Variants in XRN2 observed in about 807,000 individuals in gnomAD.
XRN2 encodes DHM1-like protein.
In XRN2, 44 loss-of-function variants were observed where a neutral mutation model predicts 138.5. The ratio of observed to expected loss-of-function variants is 0.32; its 90% CI spans 0.25 to 0.41. The LOEUF is 0.41. Ranked by LOEUF, XRN2 falls within the 10% of genes least tolerant of loss-of-function variation. The probability of loss-of-function intolerance (pLI) is 1.00; values close to 1 mark genes in which losing one functional copy is unlikely to be tolerated. For synonymous variants in XRN2, 354 were observed against 369.4 expected (o/e 0.96, Z 0.48); for missense variants, 937 against 1,169.3 (o/e 0.80, Z 2.90).
chr20:21,372,097 T>G (rs771203380), intron 27 of XRN2, among the ~76,000 whole-genome samples: 4 of 152,154 alleles, frequency 2.6e-5, no homozygotes, highest in Non-Finnish European at 5.9e-5. Flanking sequence ...ATGAAAAAAT[T>G]GGGAGATATG....
intron 13 of XRN2, among the ~76,000 whole-genome samples, chr20:21,338,531 C>CT (rs144072662): frequency 1.8e-3 from 271 of 152,242 alleles, no homozygotes; most frequent in Non-Finnish European, 2.9e-3. Flanking sequence ...TAGAGTCCCA[C>CT]TTCTCTCTTT....
At chr20:21,342,139 G>A (rs2038379848) in intron 15 of XRN2, among the ~76,000 whole-genome samples, 1 of 152,056 alleles carries the variant, frequency 6.6e-6, no homozygotes, top group Non-Finnish European at 1.5e-5. Context: ...CTAAATTTAA[G>A]GAAATTTTGA....
At chr20:21,330,354 T>A in intron 4 of XRN2, 127 bp from the exon 5 acceptor site, 1 of 785,762 alleles carries the variant, frequency 1.3e-6, no homozygotes, top group South Asian at 2.1e-5. Context: ...AGGGAACATT[T>A]TTCCTCGGAT....
intron 27 of XRN2, among the ~76,000 whole-genome samples, chr20:21,370,549 T>C (rs1272625274): frequency 2.6e-5 from 4 of 152,184 alleles, no homozygotes; most frequent in African/African-American, 9.7e-5. Context: ...GACAAAGGTG[T>C]CCCTTTCTTG....
intron 29 of XRN2, among the ~76,000 whole-genome samples, chr20:21,387,871 T>C (rs1302836401): frequency 2.6e-5 from 4 of 152,238 alleles, no homozygotes; most frequent in African/African-American, 7.2e-5. Flanking sequence ...AAGGAACATA[T>C]TTTGTATGTT....
intron 26 of XRN2, among the ~76,000 whole-genome samples, chr20:21,367,073 C>A (rs187011109): frequency 8.6e-4 from 131 of 152,240 alleles, no homozygotes; most frequent in Middle Eastern, 6.8e-3. Context: ...TTGCCCAGTG[C>A]TTGAACAGTG....
chr20:21,328,339 C>T (rs900776770), intron 3 of XRN2, among the ~76,000 whole-genome samples: 3 of 152,128 alleles, frequency 2.0e-5, no homozygotes, highest in Non-Finnish European at 2.9e-5. Context: ...GTCCATTTGA[C>T]GTGGCACTCA....
At position 21,330,526 on chromosome 20, in the gene XRN2, A is replaced by G; in HGVS notation, c.473A>G (p.Asn158Ser). ...GAAATAAAAGAAAGATTTGACAGCA[A>G]CTGTATTACACCAGTAAGTAGTCTC... The part of the protein sequence containing the change: ...PEEIKERFDS[N>S]CITPGTEFMD... Residue 158 changes from asparagine to serine, a missense_variant, in exon 5 of 30, where the codon AAC becomes AGC. Transcript: ENST00000377191. 1 of 1,613,888 alleles carries G rather than the reference A, an allele frequency of 6.2e-7. No homozygotes were observed. Among genetic ancestry groups the G allele is most frequent in the Non-Finnish European group, 8.5e-7 (1 of 1,179,962 alleles).
At chr20:21,331,875 G>A (rs1208126489) in intron 8 of XRN2, 57 bp downstream of exon 8, 1 of 1,581,474 alleles carries the variant, frequency 6.3e-7, no homozygotes, top group East Asian at 2.2e-5. Context: ...AAGTTGATGG[G>A]TTGGTGTGCA....
At chr20:21,374,839 G>T (rs765952658) in intron 27 of XRN2, among the ~76,000 whole-genome samples, 1 of 151,822 alleles carries the variant, frequency 6.6e-6, no homozygotes, top group African/African-American at 2.4e-5. Flanking sequence ...TTTGTTCTCT[G>T]TATGGGTTAT....
chr20:21,332,642 C>G (rs142076829), intron 9 of XRN2, among the ~76,000 whole-genome samples: 2 of 152,020 alleles, frequency 1.3e-5, no homozygotes, highest in East Asian at 3.9e-4. Flanking sequence ...TTACCGTTAC[C>G]CTTCACAGAG....
rs545819416 is a variant in XRN2 at position 21,376,886 on chromosome 20, A to G, written c.2585-5108A>G. 3.9e-4 allele frequency among the ~76,000 whole-genome samples: 60 copies of G among 152,344 alleles called. 1 individual carries two copies. The East Asian group carries it at 0.011, about 27-fold the overall frequency. ...TTAGAGGCATCTGTGCTAGGTAGTC[A>G]TAGGAGTCAGGTTCTTGCTCAAGAG... On this transcript the variant is annotated intron_variant, in intron 27 of 29. Transcript: ENST00000377191.
At chr20:21,327,792 A>C (rs974535025) in intron 3 of XRN2, among the ~76,000 whole-genome samples, 2 of 152,186 alleles carry the variant, frequency 1.3e-5, no homozygotes, top group Non-Finnish European at 2.9e-5. Flanking sequence ...TCTACAGAAA[A>C]GGGAATTGTT....
chr20:21,320,198 T>C (rs527784833), intron 1 of XRN2, among the ~76,000 whole-genome samples: 2 of 152,254 alleles, frequency 1.3e-5, no homozygotes, highest in Admixed American at 6.5e-5. Context: ...ACAGGGTTCT[T>C]TTGTTGTTGT....
intron 28 of XRN2, among the ~76,000 whole-genome samples, chr20:21,384,931 G>A (rs1222612514): frequency 1.3e-5 from 2 of 152,154 alleles, no homozygotes; most frequent in African/African-American, 2.4e-5. Flanking sequence ...TGATAAACTT[G>A]TTGAAAATAA....
At chr20:21,361,898 G>C (rs1004940070) in intron 24 of XRN2, among the ~76,000 whole-genome samples, 30 of 152,276 alleles carry the variant, frequency 2.0e-4, no homozygotes, top group African/African-American at 7.2e-4. Context: ...AAGATACTAA[G>C]AATCTTTCAA....
intron 16 of XRN2, among the ~76,000 whole-genome samples, 196 bp downstream of exon 16, chr20:21,344,404 G>T (rs1443998352): frequency 1.3e-5 from 2 of 152,146 alleles, no homozygotes; most frequent in Admixed American, 6.5e-5. Context: ...TTAAACCTAA[G>T]TGTCTAGATT....
At chr20:21,311,532 G>A (rs969773736) in intron 1 of XRN2, among the ~76,000 whole-genome samples, 5 of 152,134 alleles carry the variant, frequency 3.3e-5, no homozygotes, top group Non-Finnish European at 7.3e-5. Context: ...GCACATTGGT[G>A]TACAAGTATC....
intron 3 of XRN2, 64 bp from the exon 4 acceptor site, chr20:21,328,495 A>G (rs2038159332): frequency 6.8e-7 from 1 of 1,468,856 alleles, no homozygotes; most frequent in Admixed American, 2.0e-5. Context: ...CTGATTCAAA[A>G]TAAGGTACAG....
Sources: gnomAD v4.1 joint callset for allele counts (sites outside exome capture counted in the v4.1 genomes callset) on GRCh38, gnomAD v4.1.1 for gene constraint, MANE v1.5 for transcripts, NCBI Gene and HGNC (gene_info 2026-07-23, HGNC 2026-07-21) for gene names.